Variants in WBP1L observed in about 807,000 individuals in gnomAD.
The protein encoded by WBP1L is WW domain binding protein 1-like.
A neutral mutation model predicts 33.7 loss-of-function variants in WBP1L; 17 were observed. The ratio of observed to expected loss-of-function variants is 0.50; its 90% CI spans 0.34 to 0.76. WBP1L has a LOEUF of 0.76. Among genes scored for constraint, WBP1L ranks in the 30% least tolerant of loss-of-function variants. WBP1L has a pLI of 0.01. For missense variants in WBP1L, 389 were observed against 469.4 expected, an observed-to-expected ratio of 0.83 and a Z score of 1.58; for synonymous variants, 173 against 190.8, an observed-to-expected ratio of 0.91 and a Z score of 0.77.
chr10:102,806,058 A>C (rs1448729650), intron 2 of WBP1L, among the ~76,000 whole-genome samples: 1 of 151,350 alleles, frequency 6.6e-6, no homozygotes, highest in Non-Finnish European at 1.5e-5. Flanking sequence ...AAAAAAAAAA[A>C]ACCAATTAGA....
At chr10:102,745,963 C>T (rs1842859292) in intron 1 of WBP1L, among the ~76,000 whole-genome samples, 3 of 152,246 alleles carry the variant, frequency 2.0e-5, no homozygotes, top group Middle Eastern at 3.4e-3. Context: ...ATAGTAAATA[C>T]AGAATTTACT....
At chr10:102,774,416 C>T (rs1402798126) in intron 1 of WBP1L, among the ~76,000 whole-genome samples, 1 of 152,162 alleles carries the variant, frequency 6.6e-6, no homozygotes, top group Non-Finnish European at 1.5e-5. Context: ...ACATCAGCCA[C>T]CTTTTCCTCT....
At chr10:102,747,365 A>G (rs1842875935) in intron 1 of WBP1L, among the ~76,000 whole-genome samples, 1 of 151,726 alleles carries the variant, frequency 6.6e-6, no homozygotes, top group Non-Finnish European at 1.5e-5. Flanking sequence ...TCTCAAAAAA[A>G]AAAAAAAAAA....
At chr10:102,760,208 G>T (rs1204401784) in intron 1 of WBP1L, among the ~76,000 whole-genome samples, 1 of 152,010 alleles carries the variant, frequency 6.6e-6, no homozygotes, top group Non-Finnish European at 1.5e-5. Context: ...TGACTCGGGG[G>T]CCAGAGCTCT....
intron 2 of WBP1L, among the ~76,000 whole-genome samples, chr10:102,803,081 G>A (rs1332972058): frequency 6.6e-6 from 1 of 152,216 alleles, no homozygotes; most frequent in African/African-American, 2.4e-5. Flanking sequence ...TTTAAGCTGG[G>A]CTTTGAACCC....
rs114231827 is a variant in WBP1L at position 102,790,533 on chromosome 10, G to A, written c.91-7460G>A. Among the ~76,000 whole-genome samples, 1,205 of 151,960 alleles carry A rather than the reference G, an allele frequency of 7.9e-3. 11 individuals carry two copies. Among genetic ancestry groups the A allele is most frequent in the African/African-American group, 0.028 (1,155 of 41,436 alleles). ...ACTTTATTTTTATTTTTATTTTTGA[G>A]ACAGTCTCTCACTGTCGCCCAGGCT... On this transcript the variant is annotated intron_variant, in intron 1 of 3. Transcript: ENST00000448841.
chr10:102,774,599 C>T (rs1843232612), intron 1 of WBP1L, among the ~76,000 whole-genome samples: 1 of 152,194 alleles, frequency 6.6e-6, no homozygotes, highest in African/African-American at 2.4e-5. Flanking sequence ...GTGCTTTTGG[C>T]ACCTCACTGT....
chr10:102,801,894 C>T (rs1843661213), intron 2 of WBP1L, among the ~76,000 whole-genome samples: 1 of 126,716 alleles, frequency 7.9e-6, no homozygotes, highest in African/African-American at 3.1e-5. Context: ...CTCCTCTCTC[C>T]CCTCCCTCTC....
chr10:102,801,296 A>G (rs1281430473), intron 2 of WBP1L, among the ~76,000 whole-genome samples: 3 of 152,104 alleles, frequency 2.0e-5, no homozygotes, highest in Non-Finnish European at 4.4e-5. Flanking sequence ...TCATCATTCC[A>G]TCAGTTATTC....
intron 2 of WBP1L, among the ~76,000 whole-genome samples, chr10:102,807,231 G>A (rs141913574): frequency 2.6e-4 from 40 of 152,014 alleles, no homozygotes; most frequent in Non-Finnish European, 7.4e-5. Flanking sequence ...TACATTTTTA[G>A]TTGAGAAAAA....
At chr10:102,752,021 C>G (rs1467941220) in intron 1 of WBP1L, among the ~76,000 whole-genome samples, 1 of 152,174 alleles carries the variant, frequency 6.6e-6, no homozygotes, top group Admixed American at 6.6e-5. Flanking sequence ...GAACTGAGAT[C>G]TGGAGATTTT....
intron 1 of WBP1L, among the ~76,000 whole-genome samples, chr10:102,795,609 A>G (rs1332566151): frequency 1.3e-5 from 2 of 152,238 alleles, no homozygotes; most frequent in African/African-American, 4.8e-5. Flanking sequence ...AGACCAGTTG[A>G]CAGCCATGTG....
rs150305624 is a variant in WBP1L, at chr10:102,788,454, GAAT to G, written c.91-9537_91-9535del. Among the ~76,000 whole-genome samples, 344 of 152,124 alleles carry G rather than the reference GAAT, an allele frequency of 2.3e-3. 4 individuals are homozygous for G. The highest frequency in any genetic ancestry group is 7.6e-3 in the African/African-American group (314 of 41,506). On this transcript the variant is annotated intron_variant, in intron 1 of 3. Transcript: ENST00000448841. The stretch of plus-strand genomic sequence containing the variant: ...TAAAAATATAGGTAAAAATATAGGT[GAAT>G]ACATGAAGCTTTGCCTCCTTACCAC...
intron 2 of WBP1L, among the ~76,000 whole-genome samples, chr10:102,803,457 C>G (rs1233872555): frequency 6.6e-6 from 1 of 152,142 alleles, no homozygotes; most frequent in East Asian, 1.9e-4. Flanking sequence ...AACATGTTTT[C>G]CATTTTGCTT....
chr10:102,771,189 A>G (rs1282024379), intron 1 of WBP1L, among the ~76,000 whole-genome samples: 1 of 152,236 alleles, frequency 6.6e-6, no homozygotes, highest in Non-Finnish European at 1.5e-5. Flanking sequence ...TTGCCAAAAG[A>G]TACTTAAACA....
At chr10:102,755,969 C>A (rs1036259684) in intron 1 of WBP1L, among the ~76,000 whole-genome samples, 1 of 151,714 alleles carries the variant, frequency 6.6e-6, no homozygotes, top group African/African-American at 2.4e-5. Context: ...GGCATGAACC[C>A]GGGAGGCAGA....
intron 1 of WBP1L, among the ~76,000 whole-genome samples, chr10:102,784,138 C>T (rs767413600): frequency 3.3e-5 from 5 of 152,064 alleles, no homozygotes; most frequent in African/African-American, 7.2e-5. Context: ...ATGGAACTGA[C>T]GTTTCATCCC....
At chr10:102,771,616 T>C (rs879702498) in intron 1 of WBP1L, among the ~76,000 whole-genome samples, 2 of 152,034 alleles carry the variant, frequency 1.3e-5, no homozygotes, top group Non-Finnish European at 2.9e-5. Context: ...GAGACCAGCC[T>C]GGCCAACATG....
intron 1 of WBP1L, among the ~76,000 whole-genome samples, chr10:102,748,521 G>A (rs1027884179): frequency 1.1e-4 from 17 of 152,162 alleles, no homozygotes; most frequent in Admixed American, 9.8e-4. Flanking sequence ...TACCTCACCT[G>A]CTTAGTGCGT....
Sources: gnomAD v4.1 joint callset for allele counts (sites outside exome capture counted in the v4.1 genomes callset) on GRCh38, gnomAD v4.1.1 for gene constraint, MANE v1.5 for transcripts, NCBI Gene and HGNC (gene_info 2026-07-23, HGNC 2026-07-21) for gene names.